The following CDH6 variants were observed in gnomAD, a reference collection of about 807,000 sequenced individuals.
The protein encoded by CDH6 is cadherin-6.
A neutral mutation model predicts 78.0 loss-of-function variants in CDH6; 31 were observed. That is an observed-to-expected ratio of 0.40 (90% CI 0.30 to 0.54). The LOEUF (loss-of-function observed/expected upper bound fraction) is 0.54, where lower values mean the gene tolerates loss of function less well. Ranked by LOEUF, CDH6 falls within the 20% of genes least tolerant of loss-of-function variation. The probability of loss-of-function intolerance (pLI) is 0.56; values close to 1 mark genes in which losing one functional copy is unlikely to be tolerated. For synonymous variants in CDH6, 376 were observed against 368.8 expected, an observed-to-expected ratio of 1.02 and a Z score of -0.23; for missense variants, 724 against 975.9, an observed-to-expected ratio of 0.74 and a Z score of 3.44.
intron 1 of CDH6, among the ~76,000 whole-genome samples, chr5:31,199,276 CTATA>C (rs1375926621): frequency 3.3e-5 from 5 of 149,980 alleles, no homozygotes; most frequent in African/African-American, 1.2e-4. Flanking sequence ...GCATATATAT[CTATA>C]CACACACATA....
chr5:31,221,143 G>A (rs1032646050), intron 1 of CDH6, among the ~76,000 whole-genome samples: 3 of 152,172 alleles, frequency 2.0e-5, no homozygotes, highest in African/African-American at 7.2e-5. Flanking sequence ...CAGCCTGGCT[G>A]CACATTGACG....
intron 1 of CDH6, among the ~76,000 whole-genome samples, chr5:31,242,135 T>C (rs1021837280): frequency 1.3e-5 from 2 of 152,208 alleles, no homozygotes. Flanking sequence ...CATTGTTATG[T>C]CCCCTAGTGA....
At chr5:31,235,230 C>CTTTTTTTTTTTTTT (rs1228977478) in intron 1 of CDH6, among the ~76,000 whole-genome samples, 1 of 45,988 alleles carries the variant, frequency 2.2e-5, no homozygotes, top group East Asian at 5.7e-4. Flanking sequence ...TTTTCTATTC[C>CTTTTTTTTTTTTTT]TTTTTCTTTT....
intron 1 of CDH6, among the ~76,000 whole-genome samples, chr5:31,238,400 A>G (rs1214897942): frequency 6.6e-6 from 1 of 152,170 alleles, no homozygotes; most frequent in Non-Finnish European, 1.5e-5. Flanking sequence ...CTTCCCTGTC[A>G]CTGTCTCCCC....
chr5:31,219,393 G>C (rs1561028560), intron 1 of CDH6, among the ~76,000 whole-genome samples: 1 of 152,048 alleles, frequency 6.6e-6, no homozygotes, highest in Non-Finnish European at 1.5e-5. Context: ...TGTTTTTCTG[G>C]AGCACCCTGG....
At chr5:31,240,141 C>A (rs1212103154) in intron 1 of CDH6, among the ~76,000 whole-genome samples, 1 of 152,116 alleles carries the variant, frequency 6.6e-6, no homozygotes, top group African/African-American at 2.4e-5. Flanking sequence ...ATATGACTGT[C>A]ATGAGATCCA....
chr5:31,302,283 T>C lies in CDH6; in HGVS notation c.984T>C (p.Ile328=). 1 of 1,611,906 alleles carries C rather than the reference T, an allele frequency of 6.2e-7. No homozygotes were observed. The change falls in exon 6 of 12, where the codon ATT becomes ATC. Residue 328 remains isoleucine (I), a synonymous_variant. Transcript: ENST00000265071. The part of the protein sequence containing the change: ...VITDQETQEG[I]ITVKKLLDFE... ...CCGACCAGGAAACCCAGGAAGGGATTATAACTGTCAAAAAGGTAATGCCGC... is the reference window on the plus strand; with the variant it reads ...CCGACCAGGAAACCCAGGAAGGGATCATAACTGTCAAAAAGGTAATGCCGC...
rs540507934 is a variant in CDH6, at chr5:31,318,027, T to C, written c.1882+103T>C. ...GCCTCCCCCATTAAGGCATACAGCC[T>C]GATCTAGGTGAGTCGAGTTACATAC... On this transcript the variant is annotated intron_variant, in intron 11 of 11. Transcript: ENST00000265071. The C allele has an allele frequency of 2.9e-5, 39 of 1,340,034 alleles. 1 individual carries two copies. The East Asian group carries it at 8.5e-4, about 29-fold the overall frequency. 83.0% of individuals were successfully genotyped at this position (1,340,034 alleles called of 1,614,324 possible). A position where few individuals can be genotyped will look rare whatever the true frequency, so the allele number is the denominator to read the frequency against.
chr5:31,299,092 A>G (rs1020545283), intron 4 of CDH6, among the ~76,000 whole-genome samples: 4 of 152,216 alleles, frequency 2.6e-5, no homozygotes, highest in Non-Finnish European at 4.4e-5. Context: ...AGCATATTAT[A>G]GTATACCTTT....
intron 7 of CDH6, among the ~76,000 whole-genome samples, chr5:31,306,440 C>T (rs1057374416): frequency 7.9e-5 from 12 of 152,294 alleles, no homozygotes; most frequent in East Asian, 1.9e-4. Flanking sequence ...AGTCAACCAA[C>T]CTCCAGCCTT....
At chr5:31,301,121 CA>C (rs1372410257) in intron 5 of CDH6, among the ~76,000 whole-genome samples, 2 of 151,480 alleles carry the variant, frequency 1.3e-5, no homozygotes, top group South Asian at 2.1e-4. Context: ...AAATCCTGTC[CA>C]AAAAAAATGC....
chr5:31,225,375 T>C (rs1328319523), intron 1 of CDH6, among the ~76,000 whole-genome samples: 1 of 152,164 alleles, frequency 6.6e-6, no homozygotes, highest in African/African-American at 2.4e-5. Flanking sequence ...AGACACAACA[T>C]GAGAGCTCAT....
At chr5:31,200,448 C>T (rs1220264465) in intron 1 of CDH6, among the ~76,000 whole-genome samples, 1 of 151,732 alleles carries the variant, frequency 6.6e-6, no homozygotes, top group African/African-American at 2.4e-5. Flanking sequence ...GTGTTTGTGT[C>T]CTTCTTCATC....
chr5:31,263,023 G>T (rs867354418), intron 1 of CDH6, among the ~76,000 whole-genome samples: 22 of 152,098 alleles, frequency 1.4e-4, no homozygotes, highest in African/African-American at 5.3e-4. Flanking sequence ...GGTTTTTCAG[G>T]TTAAGTAAAA....
At chr5:31,304,543 G>A (rs756425504) in intron 6 of CDH6, among the ~76,000 whole-genome samples, 1 of 151,968 alleles carries the variant, frequency 6.6e-6, no homozygotes, top group African/African-American at 2.4e-5. Flanking sequence ...AAATTAGCTG[G>A]GCCTGGTGGT....
At chr5:31,309,397 G>A (rs1201182081) in intron 7 of CDH6, among the ~76,000 whole-genome samples, 1 of 152,088 alleles carries the variant, frequency 6.6e-6, no homozygotes, top group Non-Finnish European at 1.5e-5. Context: ...GTAAACTATG[G>A]CAAGTTAGTT....
intron 1 of CDH6, among the ~76,000 whole-genome samples, chr5:31,260,692 T>C (rs1290979931): frequency 1.3e-5 from 2 of 152,194 alleles, no homozygotes; most frequent in Non-Finnish European, 2.9e-5. Context: ...TACAAAAATA[T>C]ATATCAGGCA....
At chr5:31,213,748 G>C (rs1041376216) in intron 1 of CDH6, among the ~76,000 whole-genome samples, 7 of 152,004 alleles carry the variant, frequency 4.6e-5, no homozygotes, top group Admixed American at 1.3e-4. Flanking sequence ...GCTATCAGCC[G>C]AATAGCACAT....
chr5:31,223,043 T>TCA (rs1184471796), intron 1 of CDH6, among the ~76,000 whole-genome samples: 2 of 151,958 alleles, frequency 1.3e-5, no homozygotes, highest in South Asian at 2.1e-4. Flanking sequence ...TCTCTCTCTC[T>TCA]CACACACACA....
Sources: allele counts gnomAD v4.1 joint callset (sites outside exome capture counted in the v4.1 genomes callset), GRCh38; gene constraint gnomAD v4.1.1; transcripts MANE v1.5; gene names NCBI Gene and HGNC (gene_info 2026-07-23, HGNC 2026-07-21).